Variants in RREB1 observed in about 807,000 individuals in gnomAD.
The protein encoded by RREB1 is ras responsive element binding protein 1.
A neutral mutation model predicts 117.8 loss-of-function variants in RREB1; 27 were observed. The observed-to-expected ratio is 0.23, with a 90% CI of 0.17 to 0.32. The LOEUF (loss-of-function observed/expected upper bound fraction) is 0.32. Among genes scored for constraint, RREB1 ranks in the 10% least tolerant of loss-of-function variants. The pLI, the probability that RREB1 is intolerant of heterozygous loss-of-function variation, is 1.00. For synonymous variants in RREB1, 1,298 were observed against 1,026.7 expected (o/e 1.26, Z -5.05); for missense variants, 2,577 against 2,378.2 (o/e 1.08, Z -1.74).
intron 1 of RREB1, among the ~76,000 whole-genome samples, chr6:7,164,564 TC>T (rs1324533490): frequency 6.6e-6 from 1 of 152,148 alleles, no homozygotes; most frequent in Non-Finnish European, 1.5e-5. Flanking sequence ...GTGTGTGAGT[TC>T]CCTCAGGTCA....
In RREB1 at chr6:7,160,393, T is replaced by G. The variant is rs767303588; in HGVS notation, c.-284-16262T>G. Among the ~76,000 whole-genome samples the G allele has an allele frequency of 4.6e-5, 7 of 152,354 alleles. No individual in the cohort carries two copies. The East Asian group carries it at 1.3e-3, about 29-fold the overall frequency. ...AAAAGCACTGTATTCTCATGATACATACGTTGTTTCAGATTGCCTTTTCTA... is the reference window on the plus strand; with the variant it reads ...AAAAGCACTGTATTCTCATGATACAGACGTTGTTTCAGATTGCCTTTTCTA... On this transcript the variant is annotated intron_variant, in intron 1 of 12. Coordinates refer to ENST00000379938, the MANE Select transcript of RREB1 (RefSeq NM_001003699.4).
chr6:7,200,390 C>A (rs1463651435), intron 6 of RREB1, among the ~76,000 whole-genome samples: 2 of 151,712 alleles, frequency 1.3e-5, no homozygotes, highest in Non-Finnish European at 2.9e-5. Flanking sequence ...CTGCTTCAGC[C>A]TCCCGAGTAG....
intron 1 of RREB1, among the ~76,000 whole-genome samples, chr6:7,129,733 T>G (rs1337694264): frequency 1.3e-5 from 2 of 152,226 alleles, no homozygotes; most frequent in African/African-American, 4.8e-5. Flanking sequence ...AGGGGTAACA[T>G]CCTGTTGTCG....
intron 1 of RREB1, among the ~76,000 whole-genome samples, chr6:7,173,188 C>T (rs1023083839): frequency 6.6e-6 from 1 of 152,098 alleles, no homozygotes; most frequent in Non-Finnish European, 1.5e-5. Flanking sequence ...TTTTCAGGGC[C>T]TCTACCATCA....
intron 1 of RREB1, among the ~76,000 whole-genome samples, chr6:7,158,948 G>A (rs145031874): frequency 6.6e-6 from 1 of 151,986 alleles, no homozygotes; most frequent in Non-Finnish European, 1.5e-5. Flanking sequence ...ATAAAAGAAG[G>A]ACTGAGCCAG....
chr6:7,239,663 T>G (rs998187906), intron 10 of RREB1, among the ~76,000 whole-genome samples: 7 of 152,186 alleles, frequency 4.6e-5, no homozygotes, highest in African/African-American at 1.7e-4. Context: ...AATGTCCTCT[T>G]CACATGCACA....
chr6:7,187,402 A>G, intron 4 of RREB1, 32 bp from the exon 5 acceptor site: 1 of 1,386,774 alleles, frequency 7.2e-7, no homozygotes, highest in Admixed American at 1.8e-5. Context: ...TGTGAGTTGA[A>G]ATTTATCTTC....
chr6:7,215,702 T>C (rs190264764), intron 8 of RREB1: 12 of 152,372 alleles, frequency 7.9e-5, no homozygotes, highest in Admixed American at 2.0e-4. Flanking sequence ...TCATCGAGTA[T>C]ACCAGTATCA....
intron 9 of RREB1, 22 bp downstream of exon 9, chr6:7,226,678 A>G: frequency 6.3e-7 from 1 of 1,578,436 alleles, no homozygotes. Context: ...AGCCCATGGA[A>G]GCAACCAGCA....
At chr6:7,112,661 A>G (rs1230386678) in intron 1 of RREB1, among the ~76,000 whole-genome samples, 1 of 152,154 alleles carries the variant, frequency 6.6e-6, no homozygotes, top group Non-Finnish European at 1.5e-5. Context: ...GAAATGCATC[A>G]CTTATTTTTC....
intron 8 of RREB1, chr6:7,219,237 T>C (rs1429549302): frequency 6.6e-6 from 1 of 150,786 alleles, no homozygotes; most frequent in Non-Finnish European, 1.5e-5. Context: ...ACCACTGCAC[T>C]CCCTCCTGGC....
chr6:7,147,717 A>G (rs1253283133), intron 1 of RREB1, among the ~76,000 whole-genome samples: 1 of 152,216 alleles, frequency 6.6e-6, no homozygotes. Context: ...TATTTACTGA[A>G]GTCTCTAAAG....
chr6:7,199,584 T>A (rs959449266), intron 6 of RREB1, among the ~76,000 whole-genome samples: 8 of 152,218 alleles, frequency 5.3e-5, no homozygotes, highest in Non-Finnish European at 8.8e-5. Context: ...TTTTTTCTTC[T>A]TTTTTGATTG....
At chr6:7,119,147 G>T (rs1022395735) in intron 1 of RREB1, among the ~76,000 whole-genome samples, 3 of 151,862 alleles carry the variant, frequency 2.0e-5, no homozygotes, top group Non-Finnish European at 4.4e-5. Flanking sequence ...CCAGCACTTT[G>T]GGAGACCAGC....
At chr6:7,215,960 G>C (rs1302837118) in intron 8 of RREB1, 4 of 152,192 alleles carry the variant, frequency 2.6e-5, no homozygotes, top group Admixed American at 2.0e-4. Context: ...GAAGGCCCAA[G>C]GGCGGCAGCT....
intron 2 of RREB1, among the ~76,000 whole-genome samples, chr6:7,180,513 T>C (rs1173057707): frequency 6.6e-6 from 1 of 152,242 alleles, no homozygotes; most frequent in Non-Finnish European, 1.5e-5. Context: ...GGGCTTCAGC[T>C]GTAGAATATC....
At chr6:7,202,591 A>G (rs1357716538) in intron 6 of RREB1, among the ~76,000 whole-genome samples, 1 of 152,182 alleles carries the variant, frequency 6.6e-6, no homozygotes, top group East Asian at 1.9e-4. Context: ...TTGGGGCACC[A>G]TCACCTCAGA....
chr6:7,203,518 C>T (rs1766103837), intron 6 of RREB1, among the ~76,000 whole-genome samples: 1 of 152,116 alleles, frequency 6.6e-6, no homozygotes, highest in Non-Finnish European at 1.5e-5. Context: ...GGTAGGAGAG[C>T]AGAGATGGTG....
At chr6:7,108,702 G>A (rs1265307837) in intron 1 of RREB1, 3 of 152,482 alleles carry the variant, frequency 2.0e-5, no homozygotes, top group African/African-American at 7.2e-5. Flanking sequence ...GCCGCCCTAA[G>A]GTATCCGGGG....
Sources: gnomAD v4.1 joint callset for allele counts (sites outside exome capture counted in the v4.1 genomes callset) on GRCh38, gnomAD v4.1.1 for gene constraint, MANE v1.5 for transcripts, NCBI Gene and HGNC (gene_info 2026-07-23, HGNC 2026-07-21) for gene names.